DACH2: variants seen among roughly 807,000 people sequenced by gnomAD.
DACH2 encodes dachshund family transcription factor 2.
In DACH2, 17 loss-of-function variants were observed where a neutral mutation model predicts 35.8. The ratio of observed to expected loss-of-function variants is 0.48; its 90% CI spans 0.33 to 0.71. The LOEUF (loss-of-function observed/expected upper bound fraction) is 0.71, where lower values mean the gene tolerates loss of function less well. DACH2 is among the 30% of genes least tolerant of loss of function. The pLI is 0.02. For missense variants in DACH2, 469 were observed against 472.7 expected (o/e 0.99, Z 0.07); for synonymous variants, 195 against 177.3 (o/e 1.10, Z -0.79).
chrX:86,693,305 G>A (rs985157579), intron 4 of DACH2, among the ~76,000 whole-genome samples: 4 of 111,908 alleles, frequency 3.6e-5, no homozygotes, highest in East Asian at 2.8e-4. Context: ...TTCTTCCCAC[G>A]TTTGATTGGA....
chrX:86,416,275 G>A (rs2036701683), intron 2 of DACH2, among the ~76,000 whole-genome samples: 1 of 111,872 alleles, frequency 8.9e-6, no homozygotes, highest in Non-Finnish European at 1.9e-5. Flanking sequence ...GGGTTGGGTG[G>A]GAAGAATACA....
At chrX:86,758,803 A>T (rs192938459) in intron 7 of DACH2, among the ~76,000 whole-genome samples, 6 of 112,341 alleles carry the variant, frequency 5.3e-5, no homozygotes, top group African/African-American at 1.9e-4. Flanking sequence ...TAGTAGGTAC[A>T]TATATTTATG....
chrX:86,560,102 C>T (rs1403318113), intron 3 of DACH2, among the ~76,000 whole-genome samples: 4 of 38,264 alleles, frequency 1.0e-4, no homozygotes, highest in Non-Finnish European at 1.7e-4. Flanking sequence ...CCATGTTTAG[C>T]GCTTCCTTCA....
chrX:86,403,524 G>C (rs2036471448), intron 2 of DACH2, among the ~76,000 whole-genome samples: 2 of 111,621 alleles, frequency 1.8e-5, no homozygotes, highest in African/African-American at 6.5e-5. Context: ...AAAAACAAAA[G>C]AAAACAAAAC....
At chrX:86,272,199 A>AGTGTGTGTGTGT (rs139733313) in intron 1 of DACH2, among the ~76,000 whole-genome samples, 43 of 100,482 alleles carry the variant, frequency 4.3e-4, no homozygotes, top group African/African-American at 1.3e-3. Flanking sequence ...TTCCTTTGAG[A>AGTGTGTGTGTGT]GTGTGTGTGT....
chrX:86,612,048 GT>G (rs761572962), intron 3 of DACH2, among the ~76,000 whole-genome samples: 3 of 106,671 alleles, frequency 2.8e-5, no homozygotes, highest in African/African-American at 1.0e-4. Flanking sequence ...TCTCTAAAAG[GT>G]TTTTTTTAGT....
intron 1 of DACH2, among the ~76,000 whole-genome samples, chrX:86,258,743 G>A (rs371186572): frequency 4.3e-4 from 48 of 111,682 alleles, no homozygotes; most frequent in East Asian, 3.9e-3. Flanking sequence ...CTTCAAAGTT[G>A]TGTTCTTTGA....
At chrX:86,166,771 G>A (rs988659404) in intron 1 of DACH2, among the ~76,000 whole-genome samples, 6 of 111,306 alleles carry the variant, frequency 5.4e-5, no homozygotes, top group Non-Finnish European at 9.5e-5. Context: ...TTTTTACCAT[G>A]AAGGGATGTT....
chrX:86,698,798 A>T (rs2041105085), intron 5 of DACH2, among the ~76,000 whole-genome samples: 1 of 109,714 alleles, frequency 9.1e-6, no homozygotes, highest in Non-Finnish European at 1.9e-5. Context: ...GGCCTCCCAG[A>T]GTGCTGGGAA....
chrX:86,506,967 A>C (rs185644178), intron 2 of DACH2, among the ~76,000 whole-genome samples: 1 of 112,006 alleles, frequency 8.9e-6, no homozygotes, highest in African/African-American at 3.2e-5. Context: ...TTTCCACTGC[A>C]CTACCTTGAA....
intron 1 of DACH2, among the ~76,000 whole-genome samples, chrX:86,221,959 AAG>A (rs1254220506): frequency 8.9e-6 from 1 of 112,042 alleles, no homozygotes; most frequent in Non-Finnish European, 1.9e-5. Context: ...CTGGGAGAGA[AAG>A]AGAGAGACCT....
intron 1 of DACH2, among the ~76,000 whole-genome samples, chrX:86,290,867 G>A (rs1396469011): frequency 1.9e-5 from 2 of 105,248 alleles, no homozygotes; most frequent in African/African-American, 3.5e-5. Flanking sequence ...GATGCCTCCA[G>A]CTTTGTTCTT....
At chrX:86,483,398 G>C (rs2037972792) in intron 2 of DACH2, among the ~76,000 whole-genome samples, 1 of 111,391 alleles carries the variant, frequency 9.0e-6, no homozygotes, top group Non-Finnish European at 1.9e-5. Context: ...TGTCTTATAA[G>C]CAAATCATTT....
chrX:86,523,614 G>A (rs1471546439), intron 3 of DACH2, among the ~76,000 whole-genome samples: 1 of 110,817 alleles, frequency 9.0e-6, no homozygotes. Flanking sequence ...CTGTGGGCAG[G>A]GGACTGAAAA....
chrX:86,595,629 A>G (rs1240222603), intron 3 of DACH2, among the ~76,000 whole-genome samples: 1 of 110,178 alleles, frequency 9.1e-6, no homozygotes, highest in Non-Finnish European at 1.9e-5. Context: ...TAGTTGGTTA[A>G]TATCTTCCAT....
intron 1 of DACH2, among the ~76,000 whole-genome samples, chrX:86,188,860 T>C (rs746331788): frequency 1.5e-3 from 169 of 112,384 alleles, no homozygotes; most frequent in African/African-American, 5.2e-3. Context: ...GAGAAAAAGT[T>C]TGTGGTATTT....
In DACH2 at chrX:86,244,475, A is replaced by T. The variant is rs1395581546; in HGVS notation, c.488+95367A>T. Among the ~76,000 whole-genome samples the T allele has an allele frequency of 2.7e-5, 3 of 111,966 alleles. No homozygotes were observed. In the Admixed American group the frequency reaches 2.8e-4, roughly 11 times the overall value. ...CAATTTCCTCCAAAATTAGCTGGGC[A>T]TGTTGGCATGCACCTCTAGTTCCAG... On this transcript the variant is annotated intron_variant, in intron 1 of 11. Transcript: ENST00000373125.
At chrX:86,791,659 A>G (rs951135896) in intron 7 of DACH2, among the ~76,000 whole-genome samples, 4 of 111,584 alleles carry the variant, frequency 3.6e-5, no homozygotes, top group African/African-American at 1.3e-4. Flanking sequence ...CTTATTTCAA[A>G]TGTTCATATG....
intron 3 of DACH2, among the ~76,000 whole-genome samples, chrX:86,562,012 T>TA (rs35858638): frequency 0.19 from 15,316 of 78,704 alleles, 2,970 homozygotes; most frequent in African/African-American, 0.58. Context: ...AAATGAAACA[T>TA]AAAAAAAAAA....
Sources: gnomAD v4.1 joint callset for allele counts (sites outside exome capture counted in the v4.1 genomes callset) on GRCh38, gnomAD v4.1.1 for gene constraint, MANE v1.5 for transcripts, NCBI Gene and HGNC (gene_info 2026-07-23, HGNC 2026-07-21) for gene names.